Variants in PCSK5 observed in about 807,000 individuals in gnomAD.
PCSK5 encodes the protein prohormone convertase 5.
A neutral mutation model predicts 233.2 loss-of-function variants in PCSK5; 129 were observed. The observed-to-expected ratio is 0.55, with a 90% CI of 0.48 to 0.64. PCSK5 has a LOEUF of 0.64. Ranked by LOEUF, PCSK5 falls within the 30% of genes least tolerant of loss-of-function variation. The pLI is 0.00. For synonymous variants in PCSK5, 825 were observed against 879.2 expected, an observed-to-expected ratio of 0.94 and a Z score of 1.09; for missense variants, 2,076 against 2,430.1, an observed-to-expected ratio of 0.85 and a Z score of 3.06.
chr9:75,934,241 G>T (rs551916411), intron 2 of PCSK5, among the ~76,000 whole-genome samples: 1 of 152,122 alleles, frequency 6.6e-6, no homozygotes, highest in African/African-American at 2.4e-5. Flanking sequence ...TCAGAGTAGA[G>T]CCACAACTTA....
intron 5 of PCSK5, among the ~76,000 whole-genome samples, chr9:76,048,903 T>TA (rs1003951726): frequency 6.6e-6 from 1 of 152,216 alleles, no homozygotes; most frequent in Non-Finnish European, 1.5e-5. Flanking sequence ...AGTGTCAATA[T>TA]AAAATCATAG....
chr9:76,046,422 C>T (rs13301239), intron 5 of PCSK5, among the ~76,000 whole-genome samples: 3 of 150,834 alleles, frequency 2.0e-5, no homozygotes, highest in Admixed American at 6.6e-5. Context: ...ATGATCCGCC[C>T]GCCTCGGCCT....
chr9:76,034,162 C>A (rs945032861), intron 5 of PCSK5, among the ~76,000 whole-genome samples: 1 of 151,722 alleles, frequency 6.6e-6, no homozygotes, highest in African/African-American at 2.4e-5. Context: ...GCCAGCCATC[C>A]CTTCCCCTTC....
chr9:76,189,082 C>G lies in PCSK5; in HGVS notation c.2381-12C>G, dbSNP rs755792605. 1 of 1,611,032 alleles carries G rather than the reference C, an allele frequency of 6.2e-7. No individual in the cohort carries two copies. Among genetic ancestry groups the G allele is most frequent in the East Asian group, 2.2e-5 (1 of 44,776 alleles). On this transcript the variant is annotated splice_polypyrimidine_tract_variant and intron_variant, in intron 18 of 37. Coordinates refer to ENST00000674117, the MANE Select transcript of PCSK5 (RefSeq NM_001372043.1). ...TTTATTTCTCGTTTCCTGTGTTTGTCTTGCTTTTAAGGGGCAGGAGCTGAT... is the reference window on the plus strand; with the variant it reads ...TTTATTTCTCGTTTCCTGTGTTTGTGTTGCTTTTAAGGGGCAGGAGCTGAT...
At chr9:76,094,238 T>C (rs1477323135) in intron 7 of PCSK5, among the ~76,000 whole-genome samples, 1 of 152,182 alleles carries the variant, frequency 6.6e-6, no homozygotes, top group East Asian at 1.9e-4. Context: ...CAGACTTTGT[T>C]GTCTCTTTTT....
At chr9:76,061,605 A>T (rs529112179) in intron 5 of PCSK5, among the ~76,000 whole-genome samples, 1 of 152,314 alleles carries the variant, frequency 6.6e-6, no homozygotes, top group Non-Finnish European at 1.5e-5. Context: ...GATTTGGGGG[A>T]AAATTAATAG....
At chr9:76,043,335 CA>C (rs71372040) in intron 5 of PCSK5, among the ~76,000 whole-genome samples, 8,011 of 63,548 alleles carry the variant, frequency 0.13, 89 homozygotes, top group African/African-American at 0.18. Flanking sequence ...GACTCCATCT[CA>C]AAAAAAAAAA....
chr9:76,355,549 C>T (rs1830279694), intron 37 of PCSK5, among the ~76,000 whole-genome samples: 1 of 152,096 alleles, frequency 6.6e-6, no homozygotes, highest in Non-Finnish European at 1.5e-5. Context: ...TAGATAATTT[C>T]CTTGGGGTTC....
chr9:76,055,884 A>G (rs1422063162), intron 5 of PCSK5, among the ~76,000 whole-genome samples: 1 of 152,226 alleles, frequency 6.6e-6, no homozygotes, highest in Non-Finnish European at 1.5e-5. Flanking sequence ...TGAGCATTAC[A>G]GAGTGTGATA....
At chr9:75,913,668 C>A (rs546578664) in intron 1 of PCSK5, among the ~76,000 whole-genome samples, 1 of 152,286 alleles carries the variant, frequency 6.6e-6, no homozygotes, top group East Asian at 1.9e-4. Flanking sequence ...TGTCTCATTA[C>A]CACATCTCAT....
intron 2 of PCSK5, among the ~76,000 whole-genome samples, chr9:75,966,926 AAAGG>A (rs750638448): frequency 6.6e-6 from 1 of 152,194 alleles, no homozygotes; most frequent in African/African-American, 2.4e-5. Context: ...TCTTTAACAT[AAAGG>A]AGAACTAGTT....
intron 12 of PCSK5, among the ~76,000 whole-genome samples, chr9:76,166,853 A>C (rs1011574006): frequency 6.6e-6 from 1 of 152,154 alleles, no homozygotes; most frequent in East Asian, 1.9e-4. Flanking sequence ...TCTCTGTTAG[A>C]AAGGGCAGTT....
At chr9:76,255,564 T>TA (rs1165216809) in intron 24 of PCSK5, among the ~76,000 whole-genome samples, 1 of 152,234 alleles carries the variant, frequency 6.6e-6, no homozygotes, top group African/African-American at 2.4e-5. Context: ...CTTACACCTG[T>TA]AATCCTAGCA....
At chr9:75,937,234 A>T (rs963240094) in intron 2 of PCSK5, among the ~76,000 whole-genome samples, 15 of 148,986 alleles carry the variant, frequency 1.0e-4, no homozygotes, top group African/African-American at 3.7e-4. Context: ...GCTAGAGTGC[A>T]ATGGCACGAT....
At position 76,157,691 on chromosome 9, in the gene PCSK5, T is replaced by C. The variant is rs188874698; in HGVS notation, c.1430+529T>C. The stretch of plus-strand genomic sequence containing the variant: ...CTCTTGGCTTTCTGTTCAGAGACTT[T>C]TCTCTCTGAAAAATATTTTTGAACT... On this transcript the variant is annotated intron_variant, in intron 11 of 37. Transcript: ENST00000674117. Among the ~76,000 whole-genome samples the C allele has an allele frequency of 1.3e-3, 203 of 152,168 alleles. 6 individuals carry two copies. Among genetic ancestry groups the C allele is most frequent in the African/African-American group, 4.7e-3 (196 of 41,408 alleles).
intron 9 of PCSK5, among the ~76,000 whole-genome samples, chr9:76,129,255 T>TAA (rs5898452): frequency 1.3e-4 from 20 of 151,742 alleles, no homozygotes; most frequent in Admixed American, 2.6e-4. Context: ...ACATAATCTT[T>TAA]AAAAAAAGTG....
At chr9:76,188,985 A>T in intron 18 of PCSK5, 109 bp from the exon 19 acceptor site, 1 of 953,892 alleles carries the variant, frequency 1.0e-6, no homozygotes, top group Non-Finnish European at 1.5e-6. Flanking sequence ...CATGAATATT[A>T]AATTATTATT....
Position 76,259,517 on chromosome 9 carries a change from G to A in PCSK5, c.3142+18833G>A, listed in dbSNP as rs1436731005. Among the ~76,000 whole-genome samples, 3 of 151,110 alleles carry A rather than the reference G, an allele frequency of 2.0e-5. No homozygotes were observed. The East Asian group carries it at 5.9e-4, about 30-fold the overall frequency. ...CTTCAGTCATCCTACTTTAATTCTA[G>A]CAGATCAGATATAAGTATCTGATAT... On this transcript the variant is annotated intron_variant, in intron 24 of 37. Transcript: ENST00000674117.
At chr9:76,325,597 A>G (rs1246192718) in intron 32 of PCSK5, among the ~76,000 whole-genome samples, 1 of 152,170 alleles carries the variant, frequency 6.6e-6, no homozygotes, top group East Asian at 1.9e-4. Context: ...GTGAGGACAG[A>G]GTTGGAAACT....
Sources: gnomAD v4.1 joint callset for allele counts (sites outside exome capture counted in the v4.1 genomes callset) on GRCh38, gnomAD v4.1.1 for gene constraint, MANE v1.5 for transcripts, NCBI Gene and HGNC (gene_info 2026-07-23, HGNC 2026-07-21) for gene names.